SEMA5A: variants seen among roughly 807,000 people sequenced by gnomAD.
SEMA5A encodes the protein semaphorin-5A.
A neutral mutation model predicts 135.5 loss-of-function variants in SEMA5A; 55 were observed. The ratio of observed to expected loss-of-function variants is 0.41; its 90% CI spans 0.33 to 0.51. The LOEUF is 0.51. SEMA5A is among the 20% of genes least tolerant of loss of function. SEMA5A has a pLI of 0.37. For synonymous variants in SEMA5A, 580 were observed against 546.5 expected (o/e 1.06, Z -0.85); for missense variants, 1,290 against 1,419.9 (o/e 0.91, Z 1.47).
At chr5:9,383,794 T>G (rs1171646571) in intron 2 of SEMA5A, among the ~76,000 whole-genome samples, 4 of 152,200 alleles carry the variant, frequency 2.6e-5, no homozygotes, top group African/African-American at 9.6e-5. Context: ...CCCTCCACTC[T>G]GATCTTAACA....
At chr5:9,173,370 C>T (rs1010495731) in intron 11 of SEMA5A, among the ~76,000 whole-genome samples, 3 of 149,156 alleles carry the variant, frequency 2.0e-5, no homozygotes, top group South Asian at 2.1e-4. Context: ...ATCTTTAGTC[C>T]ATTCAGGGTG....
At chr5:9,531,803 T>C (rs987745578) in intron 1 of SEMA5A, among the ~76,000 whole-genome samples, 1 of 152,184 alleles carries the variant, frequency 6.6e-6, no homozygotes, top group Non-Finnish European at 1.5e-5. Flanking sequence ...AAGTTTCTAG[T>C]AAATATCCTG....
chr5:9,468,562 C>T (rs999841896), intron 1 of SEMA5A, among the ~76,000 whole-genome samples: 1 of 104,796 alleles, frequency 9.5e-6, no homozygotes, highest in African/African-American at 3.6e-5. Context: ...CTTCCTAGTA[C>T]TATAAGTGAT....
chr5:9,346,550 G>A (rs539289826), intron 3 of SEMA5A, among the ~76,000 whole-genome samples: 145 of 152,256 alleles, frequency 9.5e-4, no homozygotes, highest in African/African-American at 3.3e-3. Flanking sequence ...ATGTTGGTGC[G>A]GGGCCTACAG....
chr5:9,330,419 T>TG (rs1753079695), intron 4 of SEMA5A, among the ~76,000 whole-genome samples: 2 of 151,220 alleles, frequency 1.3e-5, no homozygotes, highest in African/African-American at 4.9e-5. Flanking sequence ...CAGATTAGTT[T>TG]TTTTTGTTTT....
intron 21 of SEMA5A, among the ~76,000 whole-genome samples, chr5:9,048,760 G>T (rs1736405013): frequency 6.6e-6 from 1 of 152,170 alleles, no homozygotes; most frequent in Non-Finnish European, 1.5e-5. Flanking sequence ...CCATATTCTT[G>T]TCTATAACAT....
intron 2 of SEMA5A, among the ~76,000 whole-genome samples, chr5:9,385,960 C>A (rs1755868388): frequency 6.6e-6 from 1 of 151,896 alleles, no homozygotes. Flanking sequence ...CACCACCACA[C>A]CTGGCTAATT....
intron 4 of SEMA5A, among the ~76,000 whole-genome samples, chr5:9,322,109 A>C (rs183017655): frequency 6.6e-6 from 1 of 152,144 alleles, no homozygotes; most frequent in African/African-American, 2.4e-5. Flanking sequence ...TTTTCCATAG[A>C]AGAAGATAAT....
At chr5:9,242,447 A>G (rs1443505969) in intron 5 of SEMA5A, among the ~76,000 whole-genome samples, 2 of 152,128 alleles carry the variant, frequency 1.3e-5, no homozygotes, top group East Asian at 3.8e-4. Flanking sequence ...TTTCACATTA[A>G]TTTTCAGTAT....
intron 2 of SEMA5A, among the ~76,000 whole-genome samples, chr5:9,412,591 A>ATTTTTTTT (rs201599831): frequency 1.4e-4 from 15 of 110,342 alleles, no homozygotes; most frequent in Admixed American, 2.0e-4. Flanking sequence ...CAGATTTTGC[A>ATTTTTTTT]TTTTTTTTTT....
intron 4 of SEMA5A, among the ~76,000 whole-genome samples, chr5:9,329,446 C>T (rs935349900): frequency 1.3e-5 from 2 of 152,186 alleles, no homozygotes; most frequent in Admixed American, 6.5e-5. Flanking sequence ...CCAACCCTTG[C>T]GCTGGACTAG....
At position 9,202,014 on chromosome 5, in the gene SEMA5A, C is replaced by A; in HGVS notation, c.873G>T (p.Leu291Phe). ...PGEVPFYYNELQSTFFLPELD... is the reference protein window; with the variant it reads ...PGEVPFYYNEFQSTFFLPELD... ...GCTCAGGCAGGAAGAAAGTACTCTG[C>A]AATTCGTTGTAGTAAAAGGGGACTT... The change falls in exon 9 of 23, where the codon TTG (leucine) becomes TTT (phenylalanine). Residue 291 changes from leucine to phenylalanine, a missense_variant. Leu to Phe is a conservative substitution (Grantham distance 22, BLOSUM62 0). Transcript: ENST00000382496. 6.2e-7 allele frequency: 1 copy of A among 1,614,170 alleles called. No homozygotes were observed.
chr5:9,314,366 A>G (rs1368294174), intron 5 of SEMA5A, among the ~76,000 whole-genome samples: 2 of 138,794 alleles, frequency 1.4e-5, no homozygotes, highest in African/African-American at 3.2e-5. Flanking sequence ...TTGAAGACTG[A>G]GTTCCAGAAA....
At chr5:9,055,618 TATC>T (rs797010326) in intron 18 of SEMA5A, among the ~76,000 whole-genome samples, 12 of 152,252 alleles carry the variant, frequency 7.9e-5, no homozygotes, top group African/African-American at 2.9e-4. Context: ...AGAGCAAAAA[TATC>T]ATCTTTATGA....
At position 9,177,929 on chromosome 5, in the gene SEMA5A, A is replaced by G. The variant is rs563662911; in HGVS notation, c.1273+12338T>C. On this transcript the variant is annotated intron_variant, in intron 11 of 22. Coordinates refer to ENST00000382496, the MANE Select transcript of SEMA5A (RefSeq NM_003966.3). ...TATTTGTCAGTATAATTTCAGTTCT[A>G]TCTCTGATATCCATAAACACCTTGG... Among the ~76,000 whole-genome samples the G allele has an allele frequency of 2.5e-4, 38 of 152,364 alleles. 2 individuals carry two copies. The South Asian group carries it at 4.3e-3, about 17-fold the overall frequency.
At chr5:9,164,789 T>A (rs1410173977) in intron 11 of SEMA5A, among the ~76,000 whole-genome samples, 1 of 152,204 alleles carries the variant, frequency 6.6e-6, no homozygotes, top group Non-Finnish European at 1.5e-5. Context: ...GGTCTCTGAT[T>A]ATAATGAATT....
At chr5:9,248,731 C>T (rs1024499399) in intron 5 of SEMA5A, among the ~76,000 whole-genome samples, 1 of 152,010 alleles carries the variant, frequency 6.6e-6, no homozygotes, top group African/African-American at 2.4e-5. Flanking sequence ...ACCGTGGAGG[C>T]AGAGATAGTG....
chr5:9,181,947 A>G (rs750062043), intron 11 of SEMA5A, among the ~76,000 whole-genome samples: 1 of 149,024 alleles, frequency 6.7e-6, no homozygotes, highest in Non-Finnish European at 1.5e-5. Context: ...CCTGACCTCT[A>G]TCTCCTCCTC....
At chr5:9,471,479 A>G (rs2126755119) in intron 1 of SEMA5A, among the ~76,000 whole-genome samples, 1 of 152,318 alleles carries the variant, frequency 6.6e-6, no homozygotes, top group African/African-American at 2.4e-5. Flanking sequence ...ACCAATACAT[A>G]ATCCACCAGA....
Sources: gnomAD v4.1 joint callset for allele counts (sites outside exome capture counted in the v4.1 genomes callset) on GRCh38, gnomAD v4.1.1 for gene constraint, MANE v1.5 for transcripts, NCBI Gene and HGNC (gene_info 2026-07-23, HGNC 2026-07-21) for gene names.